FIGNL2: variants seen among roughly 807,000 people sequenced by gnomAD.
The protein encoded by FIGNL2 is fidgetin-like protein 2.
For missense variants in FIGNL2, 1,060 were observed against 950.2 expected, an observed-to-expected ratio of 1.12 and a Z score of -1.52; for synonymous variants, 565 against 484.0, an observed-to-expected ratio of 1.17 and a Z score of -2.20.
Position 51,848,699 on chromosome 12 carries a change from C to G in FIGNL2, c.-171G>C. On this transcript the variant is annotated 5_prime_UTR_variant, in exon 1 of 2. Coordinates refer to ENST00000618634, the MANE Select transcript of FIGNL2 (RefSeq NM_001384995.1). ...GCTGCTGCTGCGGCTGCTGCGGCCG[C>G]CGCGGGCGGGAGCGGGACTGGGCAG... 1 of 276,958 alleles carries G rather than the reference C, an allele frequency of 3.6e-6. No individual in the cohort carries two copies. Among genetic ancestry groups the G allele is most frequent in the Non-Finnish European group, 5.5e-6 (1 of 182,398 alleles). The allele number at this position is 276,958 out of a possible 1,614,324, so 17.2% of individuals were successfully genotyped here.
intron 1 of FIGNL2, among the ~76,000 whole-genome samples, chr12:51,841,131 G>T (rs565851874): frequency 3.9e-5 from 6 of 152,206 alleles, no homozygotes; most frequent in Non-Finnish European, 8.8e-5. Context: ...AGTAACTCCA[G>T]CTATGCAGCC....
chr12:51,848,083 C>CCA (rs146738461), intron 1 of FIGNL2: 244,815 of 883,132 alleles, frequency 0.28, 23,156 homozygotes, highest in East Asian at 0.48. Flanking sequence ...CCCACCCCTC[C>CCA]CACACACACA....
At chr12:51,834,556 G>A (rs1224572980) in intron 1 of FIGNL2, among the ~76,000 whole-genome samples, 1 of 152,230 alleles carries the variant, frequency 6.6e-6, no homozygotes, top group Non-Finnish European at 1.5e-5. Flanking sequence ...GCTCCTCTCT[G>A]GGGTGGGAGA....
At position 51,830,758 on chromosome 12, in the gene FIGNL2, T is replaced by TG. The variant is rs565567639; in HGVS notation, c.-11-8335dup. Among the ~76,000 whole-genome samples, 705 of 152,100 alleles carry TG rather than the reference T, an allele frequency of 4.6e-3. 2 individuals are homozygous for TG. The highest frequency in any genetic ancestry group is 7.1e-3 in the Non-Finnish European group (480 of 67,986). On this transcript the variant is annotated intron_variant, in intron 1 of 1. Transcript: ENST00000618634. ...CGCCCGCCTTGGCCTCCTAAAGTGC[T>TG]GGATTACAGGCATGAGCCACCACAC...
At chr12:51,840,830 G>A (rs1483168438) in intron 1 of FIGNL2, among the ~76,000 whole-genome samples, 1 of 152,230 alleles carries the variant, frequency 6.6e-6, no homozygotes, top group Non-Finnish European at 1.5e-5. Context: ...GTCTCTTGGA[G>A]GGCCCCACAC....
intron 1 of FIGNL2, among the ~76,000 whole-genome samples, chr12:51,831,566 A>G (rs544601130): frequency 1.3e-3 from 197 of 152,324 alleles, no homozygotes; most frequent in African/African-American, 4.5e-3. Flanking sequence ...CAAGGCAGGG[A>G]GCACACCCCT....
chr12:51,823,526 T>G (rs543776853), intron 1 of FIGNL2: 60 of 152,312 alleles, frequency 3.9e-4, no homozygotes, highest in African/African-American at 1.4e-3. Flanking sequence ...CCTTGGCTGT[T>G]CCTGACACCC....
At chr12:51,822,582 G>C (rs1378632707) in intron 1 of FIGNL2, among the ~76,000 whole-genome samples, 158 bp from the exon 2 acceptor site, 1 of 152,158 alleles carries the variant, frequency 6.6e-6, no homozygotes, top group Non-Finnish European at 1.5e-5. Flanking sequence ...CCTCCCTCCA[G>C]GCACCAAATA....
In FIGNL2 at chr12:51,821,146, C is replaced by G. The variant is rs1427494508; in HGVS notation, c.1268G>C (p.Arg423Pro). The change falls in exon 2 of 2, where the codon CGC becomes CCC. Residue 423 changes from arginine to proline, a missense_variant. Physicochemically the swap from Arg to Pro is moderately radical, Grantham distance 103. Transcript: ENST00000618634. ...LRPPAYPGSL[R>P]PPRTVLLFGP... ...AAAGAGCAGGACGGTCCGCGGCGGG[C>G]GCAGGCTGCCCGGGTAGGCGGGCGG... 1.4e-6 allele frequency: 2 copies of G among 1,461,848 alleles called. No individual in the cohort carries two copies. Among genetic ancestry groups the G allele is most frequent in the Non-Finnish European group, 1.8e-6 (2 of 1,119,506 alleles). 90.6% of individuals were successfully genotyped at this position (1,461,848 alleles called of 1,614,324 possible).
At chr12:51,829,209 A>T (rs558033286) in intron 1 of FIGNL2, among the ~76,000 whole-genome samples, 109 of 152,346 alleles carry the variant, frequency 7.2e-4, no homozygotes, top group Non-Finnish European at 1.6e-4. Context: ...GGCCTCCCTT[A>T]TGGAAATCTC....
chr12:51,821,485 C>G lies in FIGNL2; in HGVS notation c.929G>C (p.Arg310Pro), dbSNP rs1374556151. 9 of 1,552,764 alleles carry G rather than the reference C, an allele frequency of 5.8e-6. No homozygotes were observed. Among genetic ancestry groups the G allele is most frequent in the South Asian group, 1.2e-5 (1 of 84,320 alleles). The change falls in exon 2 of 2, where the codon CGG (arginine) becomes CCG (proline). Residue 310 changes from arginine to proline, a missense_variant. Transcript: ENST00000618634. ...CTCCGCGGCTCCTGGCGGCTTGGCC[C>G]GGAACCCGTTGCCCCGACATTCGCC... ...DNGECRGNGF[R>P]AKPPGAAEEA...
chr12:51,840,384 T>C (rs1939641093), intron 1 of FIGNL2, among the ~76,000 whole-genome samples: 1 of 152,206 alleles, frequency 6.6e-6, no homozygotes, highest in Admixed American at 6.5e-5. Flanking sequence ...ACCTATGACC[T>C]GTTCTCAAAA....
At chr12:51,825,271 G>A (rs1216166544) in intron 1 of FIGNL2, among the ~76,000 whole-genome samples, 1 of 152,146 alleles carries the variant, frequency 6.6e-6, no homozygotes, top group Non-Finnish European at 1.5e-5. Context: ...CACAGTAAAT[G>A]AAGAAGACTC....
intron 1 of FIGNL2, among the ~76,000 whole-genome samples, chr12:51,842,931 G>T (rs1284822745): frequency 1.3e-5 from 2 of 152,222 alleles, no homozygotes; most frequent in Non-Finnish European, 2.9e-5. Flanking sequence ...AGAAAATAAT[G>T]GTTGCTGGAT....
At chr12:51,848,157 C>T in intron 1 of FIGNL2, 1 of 985,110 alleles carries the variant, frequency 1.0e-6, no homozygotes, top group Non-Finnish European at 1.2e-6. Flanking sequence ...CCCTCGGGCT[C>T]CGGACGCTGG....
chr12:51,825,305 T>A (rs1013491964), intron 1 of FIGNL2, among the ~76,000 whole-genome samples: 3 of 151,998 alleles, frequency 2.0e-5, no homozygotes, highest in Non-Finnish European at 4.4e-5. Flanking sequence ...TCCACACACA[T>A]CTTCCCCACC....
At position 51,821,538 on chromosome 12, in the gene FIGNL2, G is replaced by T; in HGVS notation, c.876C>A (p.Asp292Glu). Residue 292 changes from aspartate (D) to glutamate (E), a missense_variant, in exon 2 of 2, where the codon GAC (aspartate) becomes GAA (glutamate). Transcript: ENST00000618634. ...AYEPAKAPVADGASYPAADNG... is the reference protein window; with the variant it reads ...AYEPAKAPVAEGASYPAADNG... ...TGTCCGCGGCGGGGTAGGAGGCTCC[G>T]TCAGCCACGGGGGCCTTGGCGGGCT... is the stretch of plus-strand genomic sequence containing the variant. 1.3e-6 allele frequency: 2 copies of T among 1,560,732 alleles called. No homozygotes were observed. Among genetic ancestry groups the T allele is most frequent in the East Asian group, 2.4e-5 (1 of 41,194 alleles).
In FIGNL2 at chr12:51,821,457, C is replaced by A; in HGVS notation, c.957G>T (p.Glu319Asp). 1 of 1,539,856 alleles carries A rather than the reference C, an allele frequency of 6.5e-7. No individual in the cohort carries two copies. The highest frequency in any genetic ancestry group is 2.5e-5 in the East Asian group (1 of 39,680). The change falls in exon 2 of 2, where the codon GAG (glutamate) becomes GAT (aspartate). Residue 319 changes from glutamate (E) to aspartate (D), a missense_variant. By Grantham distance (45) the Glu-to-Asp change is conservative. Coordinates refer to ENST00000618634, the MANE Select transcript of FIGNL2 (RefSeq NM_001384995.1). ...CGCCGCCACCGTACTTGCCCGACGC[C>A]TCCTCCGCGGCTCCTGGCGGCTTGG... ...FRAKPPGAAE[E>D]ASGKYGGGVP...
intron 1 of FIGNL2, among the ~76,000 whole-genome samples, chr12:51,843,567 T>C (rs1939697220): frequency 6.8e-6 from 1 of 147,754 alleles, no homozygotes; most frequent in Non-Finnish European, 1.5e-5. Context: ...AAAGAGTCAA[T>C]GCAGCTTGTT....
Sources: allele counts gnomAD v4.1 joint callset (sites outside exome capture counted in the v4.1 genomes callset), GRCh38; gene constraint gnomAD v4.1.1; transcripts MANE v1.5; gene names NCBI Gene and HGNC (gene_info 2026-07-23, HGNC 2026-07-21).